NEMP2: variants seen among roughly 807,000 people sequenced by gnomAD.
NEMP2 encodes nuclear envelope integral membrane protein 2.
NEMP2 carries 53 observed loss-of-function variants against 54.2 expected under a neutral mutation model. The observed-to-expected ratio is 0.98, with a 90% CI of 0.78 to 1.23. The LOEUF is 1.23. Among genes scored for constraint, NEMP2 ranks in the 50% most tolerant of loss-of-function variants. The pLI is 0.00. For missense variants in NEMP2, 455 were observed against 511.3 expected, an observed-to-expected ratio of 0.89 and a Z score of 1.06; for synonymous variants, 197 against 190.3, an observed-to-expected ratio of 1.04 and a Z score of -0.29.
At chr2:190,518,673 G>A (rs1471877396) in intron 4 of NEMP2, 63 bp downstream of exon 4, 2 of 1,295,250 alleles carry the variant, frequency 1.5e-6, no homozygotes, top group Admixed American at 2.7e-5. Context: ...CTTAGCATGT[G>A]GTCAAAAATG....
the NEMP2 span, among the ~76,000 whole-genome samples, chr2:190,583,071 G>A: frequency 1.3e-5 from 2 of 152,186 alleles, no homozygotes; most frequent in South Asian, 4.1e-4. Flanking sequence ...CTATCCTGAA[G>A]TCAGAGATGT....
At chr2:190,630,640 GA>G in the NEMP2 span, among the ~76,000 whole-genome samples, 1 of 151,850 alleles carries the variant, frequency 6.6e-6, no homozygotes, top group Non-Finnish European at 1.5e-5. The surrounding 1 kb of genome is among the most constrained non-coding windows in gnomAD (Gnocchi z 5.5). Context: ...ATGTGAAAAA[GA>G]CTACATTGAC....
At chr2:190,460,462 G>C in the NEMP2 span, among the ~76,000 whole-genome samples, 13 of 152,140 alleles carry the variant, frequency 8.5e-5, no homozygotes, top group African/African-American at 3.1e-4. Flanking sequence ...ACTTAGCATA[G>C]AGTATGTTCA....
the NEMP2 span, among the ~76,000 whole-genome samples, chr2:190,550,071 C>T: frequency 1.3e-5 from 2 of 152,190 alleles, no homozygotes; most frequent in African/African-American, 4.8e-5. The surrounding 1 kb of genome is among the most constrained non-coding windows in gnomAD (Gnocchi z 4.7). Flanking sequence ...TTTATTTATA[C>T]TACATTGCAT....
chr2:190,571,549 T>TATAATAATAATA, the NEMP2 span, among the ~76,000 whole-genome samples: 128 of 149,926 alleles, frequency 8.5e-4, no homozygotes, highest in Admixed American at 3.6e-3. Flanking sequence ...TCTCAAAAAA[T>TATAATAATAATA]ATAATAATAA....
chr2:190,470,074 C>G, the NEMP2 span, among the ~76,000 whole-genome samples: 1 of 152,042 alleles, frequency 6.6e-6, no homozygotes, highest in Non-Finnish European at 1.5e-5. Flanking sequence ...GGACTTGATC[C>G]ACACCCTTGT....
chr2:190,635,192 T>G, the NEMP2 span, among the ~76,000 whole-genome samples: 1 of 152,164 alleles, frequency 6.6e-6, no homozygotes, highest in African/African-American at 2.4e-5. The surrounding 1 kb of genome is among the most constrained non-coding windows in gnomAD (Gnocchi z 4.1). Context: ...TTAACCTAGA[T>G]AGAAATATAT....
the NEMP2 span, among the ~76,000 whole-genome samples, chr2:190,637,139 C>A: frequency 9.3e-4 from 142 of 152,316 alleles, 1 homozygote; most frequent in African/African-American, 2.3e-3. The surrounding 1 kb of genome is among the most constrained non-coding windows in gnomAD (Gnocchi z 4.5). Flanking sequence ...GCTTGATTTT[C>A]TTAAAAATAC....
At chr2:190,433,477 A>G in the NEMP2 span, 162 of 152,336 alleles carry the variant, frequency 1.1e-3, 2 homozygotes, top group African/African-American at 3.7e-3. The surrounding 1 kb of genome is among the most constrained non-coding windows in gnomAD (Gnocchi z 4.5). Context: ...AGGAGGAAAA[A>G]AATGTTTTTC....
the NEMP2 span, among the ~76,000 whole-genome samples, chr2:190,492,572 T>G: frequency 1.3e-4 from 19 of 151,984 alleles, no homozygotes; most frequent in Non-Finnish European, 2.5e-4. This position sits in a 1 kb window ranked among gnomAD's most constrained non-coding sequence, Gnocchi z 5.2. Flanking sequence ...GCAAAATCAA[T>G]ATGGAAATTT....
chr2:190,518,813 A>C lies in NEMP2; in HGVS notation c.446-5T>G. ...GGAAGAGTTTGAAATCCATGACTGG[A>C]GTAAAAAAGACACACAAACACATAA... On this transcript the variant is annotated splice_region_variant and splice_polypyrimidine_tract_variant and intron_variant, in intron 3 of 8. Transcript: ENST00000409150. The C allele has an allele frequency of 1.3e-6, 2 of 1,540,438 alleles. No homozygotes were observed. Among genetic ancestry groups the C allele is most frequent in the East Asian group, 2.4e-5 (1 of 40,838 alleles).
rs1690891485 is a variant in NEMP2 at position 190,525,260 on chromosome 2, T to A, written c.213+3A>T. On this transcript the variant is annotated splice_donor_region_variant and intron_variant, in intron 2 of 8. Transcript: ENST00000409150. This position sits in a 1 kb window ranked among gnomAD's most constrained non-coding sequence, Gnocchi z 5.0. ...AAGACATGAGTTAAAAGTAGGCCCTTACCTGCATAGTTGACCATATGTATT... is the reference window on the plus strand; with the variant it reads ...AAGACATGAGTTAAAAGTAGGCCCTAACCTGCATAGTTGACCATATGTATT... The A allele has an allele frequency of 6.6e-7, 1 of 1,507,812 alleles. No homozygotes were observed. The allele number at this position is 1,507,812 out of a possible 1,614,324, so 93.4% of individuals were successfully genotyped here. A position where few individuals can be genotyped will look rare whatever the true frequency, so the allele number is the denominator to read the frequency against.
the NEMP2 span, among the ~76,000 whole-genome samples, chr2:190,557,214 C>A: frequency 6.6e-6 from 1 of 152,198 alleles, no homozygotes; most frequent in Non-Finnish European, 1.5e-5. Context: ...TGACAAAAAA[C>A]AAGCAATGGG....
At chr2:190,631,467 A>C in the NEMP2 span, among the ~76,000 whole-genome samples, 2 of 152,200 alleles carry the variant, frequency 1.3e-5, no homozygotes, top group African/African-American at 4.8e-5. Flanking sequence ...TGTAAAAAAA[A>C]CTTTATATTA....
At chr2:190,644,640 A>G in the NEMP2 span, among the ~76,000 whole-genome samples, 1 of 152,180 alleles carries the variant, frequency 6.6e-6, no homozygotes, top group Non-Finnish European at 1.5e-5. The surrounding 1 kb of genome is among the most constrained non-coding windows in gnomAD (Gnocchi z 4.4). Context: ...AAACTAACAC[A>G]GGAACAGAAA....
At chr2:190,589,883 C>A in the NEMP2 span, among the ~76,000 whole-genome samples, 3 of 152,180 alleles carry the variant, frequency 2.0e-5, no homozygotes, top group South Asian at 2.1e-4. The surrounding 1 kb of genome is among the most constrained non-coding windows in gnomAD (Gnocchi z 4.3). Context: ...TTTAGGGCTG[C>A]AAACTGTGGA....
chr2:190,449,662 A>AT, the NEMP2 span, among the ~76,000 whole-genome samples: 1 of 152,000 alleles, frequency 6.6e-6, no homozygotes, highest in Non-Finnish European at 1.5e-5. Flanking sequence ...TAGCACATAT[A>AT]ACCATGAAAT....
the NEMP2 span, among the ~76,000 whole-genome samples, chr2:190,583,353 C>T: frequency 6.6e-6 from 1 of 151,810 alleles, no homozygotes; most frequent in African/African-American, 2.4e-5. Flanking sequence ...TAAATGAAGG[C>T]CTTGTTCTGA....
the NEMP2 span, among the ~76,000 whole-genome samples, chr2:190,478,558 G>C: frequency 1.3e-5 from 2 of 152,124 alleles, no homozygotes; most frequent in African/African-American, 4.8e-5. Context: ...TTTAAAGTCC[G>C]TGTGCTTAAA....
Sources: allele counts gnomAD v4.1 joint callset (sites outside exome capture counted in the v4.1 genomes callset), GRCh38; gene constraint gnomAD v4.1.1; non-coding constraint Gnocchi (gnomAD v3.1); transcripts MANE v1.5; gene names NCBI Gene and HGNC (gene_info 2026-07-23, HGNC 2026-07-21).